PSMC4: variants seen among roughly 807,000 people sequenced by gnomAD.
The protein encoded by PSMC4 is 26S proteasome regulatory subunit 6B.
PSMC4 carries 13 observed loss-of-function variants against 48.4 expected under a neutral mutation model. That is an observed-to-expected ratio of 0.27 (90% CI 0.18 to 0.43). The LOEUF (loss-of-function observed/expected upper bound fraction) is 0.43, where lower values mean the gene tolerates loss of function less well. PSMC4 is among the 20% of genes least tolerant of loss of function. The probability of loss-of-function intolerance (pLI) is 1.00; values close to 1 mark genes in which losing one functional copy is unlikely to be tolerated. For missense variants in PSMC4, 262 were observed against 555.9 expected, an observed-to-expected ratio of 0.47 and a Z score of 5.32; for synonymous variants, 202 against 212.3, an observed-to-expected ratio of 0.95 and a Z score of 0.42.
intron 6 of PSMC4, among the ~76,000 whole-genome samples, chr19:39,979,130 G>A (rs1195147102): frequency 3.3e-5 from 5 of 152,216 alleles, no homozygotes; most frequent in African/African-American, 1.2e-4. Context: ...CTCTTGGCGA[G>A]GCAGTATGAT....
At chr19:39,973,581 TAAAAAA>T (rs11320252) in intron 3 of PSMC4, among the ~76,000 whole-genome samples, 2 of 96,994 alleles carry the variant, frequency 2.1e-5, no homozygotes, top group South Asian at 7.2e-4. Context: ...ACACTCTGTC[TAAAAAA>T]AAAAAAAAAA....
At position 39,974,594 on chromosome 19, in the gene PSMC4, C is replaced by T. The variant is rs11542840; in HGVS notation, c.540C>T (p.Ala180=). The T allele has an allele frequency of 0.039, 62,471 of 1,613,980 alleles. 2,288 individuals carry two copies. Among genetic ancestry groups the T allele is most frequent in the East Asian group, 0.16 (7,082 of 44,854 alleles). Residue 180 remains alanine (A), a synonymous_variant, in exon 5 of 11, where the codon GCC becomes GCT. Transcript: ENST00000157812. This position sits in a 1 kb window ranked among gnomAD's most constrained non-coding sequence, Gnocchi z 5.5. ...MDIQKQEVRE[A]VELPLTHFEL... ...TCCAGAAGCAGGAGGTGCGGGAGGC[C>T]GTGGAGCTCCCGCTCACGCATTTCG...
chr19:39,977,087 A>G (rs1431364986), intron 6 of PSMC4, among the ~76,000 whole-genome samples: 1 of 151,046 alleles, frequency 6.6e-6, no homozygotes, highest in East Asian at 2.0e-4. Flanking sequence ...TCCTGGCCTC[A>G]GGTGATCCAC....
rs749963884 is a variant in PSMC4 at position 39,974,845 on chromosome 19, C to T, written c.673+17C>T. On this transcript the variant is annotated intron_variant, in intron 6 of 10. Transcript: ENST00000157812. This position sits in a 1 kb window ranked among gnomAD's most constrained non-coding sequence, Gnocchi z 5.5. ...ACACAACAGGTGAGCCCTTTCGCCC[C>T]TGCCCCGAGCTCTCATCTTCTGGCC... The T allele has an allele frequency of 6.2e-7, 1 of 1,601,802 alleles. No homozygotes were observed. The highest frequency in any genetic ancestry group is 1.7e-5 in the Admixed American group (1 of 59,940).
At position 39,980,654 on chromosome 19, in the gene PSMC4, C is replaced by T. The variant is rs370164553; in HGVS notation, c.1088-8C>T. 17 of 1,613,780 alleles carry T rather than the reference C, an allele frequency of 1.1e-5. No homozygotes were observed. The highest frequency in any genetic ancestry group is 1.7e-4 in the Middle Eastern group (1 of 6,056). ...CACACAGGGAATAGTTTCCTTAACT[C>T]GCTGCAGATGTGGCCCGGCCAGATA... On this transcript the variant is annotated splice_polypyrimidine_tract_variant and splice_region_variant and intron_variant, in intron 9 of 10. Transcript: ENST00000157812. The surrounding 1 kb of genome is among the most constrained non-coding windows in gnomAD (Gnocchi z 4.8).
rs1396420469 is a variant in PSMC4, at chr19:39,979,714, T to C, written c.674-103T>C. The stretch of plus-strand genomic sequence containing the variant: ...ATGACACAACTACTAGGTATGGGTA[T>C]CCAAGGAAAAGGATGTCTTCAAGGA... On this transcript the variant is annotated intron_variant, in intron 6 of 10. Coordinates refer to ENST00000157812, the MANE Select transcript of PSMC4 (RefSeq NM_006503.4). 6.6e-6 allele frequency: 8 copies of C among 1,210,984 alleles called. No homozygotes were observed. In the African/African-American group the frequency reaches 1.1e-4, roughly 16 times the overall value. 75.0% of individuals were successfully genotyped at this position (1,210,984 alleles called of 1,614,324 possible).
At position 39,974,580 on chromosome 19, in the gene PSMC4, G is replaced by C; in HGVS notation, c.526G>C (p.Glu176Gln). 5 of 1,614,128 alleles carry C rather than the reference G, an allele frequency of 3.1e-6. No homozygotes were observed. Among genetic ancestry groups the C allele is most frequent in the Non-Finnish European group, 4.2e-6 (5 of 1,180,034 alleles). The change falls in exon 5 of 11, where the codon GAG becomes CAG. Residue 176 changes from glutamate (E) to glutamine (Q), a missense_variant. This residue lies in a region of PSMC4 where 131 missense variants were observed against 276.7 expected (regional missense o/e 0.47). Coordinates refer to ENST00000157812, the MANE Select transcript of PSMC4 (RefSeq NM_006503.4). The surrounding 1 kb of genome is among the most constrained non-coding windows in gnomAD (Gnocchi z 5.5). ...CGGAGGCATGGACATCCAGAAGCAG[G>C]AGGTGCGGGAGGCCGTGGAGCTCCC... The part of the protein sequence containing the change: ...DIGGMDIQKQ[E>Q]VREAVELPLT...
intron 6 of PSMC4, among the ~76,000 whole-genome samples, chr19:39,978,376 A>G (rs1034696129): frequency 3.9e-5 from 6 of 152,150 alleles, no homozygotes; most frequent in Non-Finnish European, 8.8e-5. Flanking sequence ...CTGGTTGGAC[A>G]TTTGCAGAAC....
intron 3 of PSMC4, among the ~76,000 whole-genome samples, chr19:39,972,918 GTAT>G (rs1971127783): frequency 6.6e-6 from 1 of 151,862 alleles, no homozygotes. Context: ...GCTAATTTTT[GTAT>G]TATTAGTAGA....
At position 39,974,902 on chromosome 19, in the gene PSMC4, A is replaced by G. The variant is rs1971173599; in HGVS notation, c.673+74A>G. ...CCTTGCTCCCTGCTCGCTCACTGGC[A>G]CTGCACAGTAATTAGAAACAGACTC... is the stretch of plus-strand genomic sequence containing the variant. On this transcript the variant is annotated intron_variant, in intron 6 of 10. Coordinates refer to ENST00000157812, the MANE Select transcript of PSMC4 (RefSeq NM_006503.4). The surrounding 1 kb of genome is among the most constrained non-coding windows in gnomAD (Gnocchi z 5.5). The G allele has an allele frequency of 7.3e-7, 1 of 1,375,194 alleles. No homozygotes were observed. The highest frequency in any genetic ancestry group is 1.8e-5 in the Admixed American group (1 of 55,026). 85.2% of individuals were successfully genotyped at this position (1,375,194 alleles called of 1,614,324 possible).
At position 39,980,821 on chromosome 19, in the gene PSMC4, G is replaced by T; in HGVS notation, c.1143+104G>T. 8.7e-7 allele frequency: 1 copy of T among 1,143,372 alleles called. No homozygotes were observed. The highest frequency in any genetic ancestry group is 1.3e-6 in the Non-Finnish European group (1 of 756,018). 70.8% of individuals were successfully genotyped at this position (1,143,372 alleles called of 1,614,324 possible). The stretch of plus-strand genomic sequence containing the variant: ...TGTCCCCTCATGGCTGCCCTGGGTC[G>T]TGGGCGCCATCTCTCTCTTCCTCTA... On this transcript the variant is annotated intron_variant, in intron 10 of 10. Coordinates refer to ENST00000157812, the MANE Select transcript of PSMC4 (RefSeq NM_006503.4). The surrounding 1 kb of genome is among the most constrained non-coding windows in gnomAD (Gnocchi z 4.8).
Position 39,980,024 on chromosome 19 carries a change from C to T in PSMC4, c.841+40C>T. Reference sequence around the variant, plus strand: ...AACAAGGCCCGGGGTCTTGGACAGGCTTGTCGCATGGGATGCCTGGGACTG... The same window carrying T: ...AACAAGGCCCGGGGTCTTGGACAGGTTTGTCGCATGGGATGCCTGGGACTG... On this transcript the variant is annotated intron_variant, in intron 7 of 10. Coordinates refer to ENST00000157812, the MANE Select transcript of PSMC4 (RefSeq NM_006503.4). The surrounding 1 kb of genome is among the most constrained non-coding windows in gnomAD (Gnocchi z 4.8). 6.2e-7 allele frequency: 1 copy of T among 1,613,980 alleles called. No individual in the cohort carries two copies. The highest frequency in any genetic ancestry group is 8.5e-7 in the Non-Finnish European group (1 of 1,179,944).
Position 39,980,487 on chromosome 19 carries a change from A to C in PSMC4, c.1087+33A>C, listed in dbSNP as rs370201221. Reference sequence around the variant, plus strand: ...GCTCCAGAAGTCAGGGAGGGGCCCTAGTTGGGAACGGGGATTAGATCTTCA... The same window carrying C: ...GCTCCAGAAGTCAGGGAGGGGCCCTCGTTGGGAACGGGGATTAGATCTTCA... On this transcript the variant is annotated intron_variant, in intron 9 of 10. Coordinates refer to ENST00000157812, the MANE Select transcript of PSMC4 (RefSeq NM_006503.4). The surrounding 1 kb of genome is among the most constrained non-coding windows in gnomAD (Gnocchi z 4.8). 29 of 1,611,478 alleles carry C rather than the reference A, an allele frequency of 1.8e-5. No individual in the cohort carries two copies. The African/African-American group carries it at 2.8e-4, about 16-fold the overall frequency.
rs534562520 is a variant in PSMC4 at position 39,977,772 on chromosome 19, A to C, written c.674-2045A>C. On this transcript the variant is annotated intron_variant, in intron 6 of 10. Transcript: ENST00000157812. ...AGGAGGCCAAGGTTGCAGTGAGCGAAGATCGCACCATTGCACTCCAGCCCG... is the reference window on the plus strand; with the variant it reads ...AGGAGGCCAAGGTTGCAGTGAGCGACGATCGCACCATTGCACTCCAGCCCG... 6.6e-3 allele frequency among the ~76,000 whole-genome samples: 1,010 copies of C among 152,118 alleles called. 4 individuals carry two copies. Among genetic ancestry groups the C allele is most frequent in the Non-Finnish European group, 0.012 (789 of 67,956 alleles).
intron 6 of PSMC4, among the ~76,000 whole-genome samples, chr19:39,979,217 T>C (rs2144618470): frequency 6.6e-6 from 1 of 152,326 alleles, no homozygotes; most frequent in South Asian, 2.1e-4. Flanking sequence ...GGTTTTTTTC[T>C]TTCTTATTTT....
At position 39,979,828 on chromosome 19, in the gene PSMC4, C is replaced by A. The variant is rs769357146; in HGVS notation, c.685C>A (p.Arg229=). Residue 229 remains arginine (R), a synonymous_variant, in exon 7 of 11, where the codon CGG becomes AGG. Coordinates refer to ENST00000157812, the MANE Select transcript of PSMC4 (RefSeq NM_006503.4). ...CATCCTGTCATCAGCTGCATTCATC[C>A]GGGTCGTGGGCTCGGAGTTTGTACA... ...VAHHTTAAFI[R]VVGSEFVQKY... is the part of the protein sequence containing the mutation. 34 of 1,602,546 alleles carry A rather than the reference C, an allele frequency of 2.1e-5. No homozygotes were observed. Among genetic ancestry groups the A allele is most frequent in the Non-Finnish European group, 2.8e-5 (33 of 1,170,284 alleles).
At chr19:39,978,745 G>A (rs983735577) in intron 6 of PSMC4, among the ~76,000 whole-genome samples, 2 of 152,088 alleles carry the variant, frequency 1.3e-5, no homozygotes, top group Non-Finnish European at 2.9e-5. Context: ...TCAAGCATGG[G>A]GTGGCTCATG....
chr19:39,980,391 A>G lies in PSMC4; in HGVS notation c.1024A>G (p.Arg342Gly). 1 of 1,614,046 alleles carries G rather than the reference A, an allele frequency of 6.2e-7. No homozygotes were observed. Among genetic ancestry groups the G allele is most frequent in the Non-Finnish European group, 8.5e-7 (1 of 1,180,010 alleles). The change falls in exon 9 of 11, where the codon AGA becomes GGA. Residue 342 changes from arginine to glycine, a missense_variant. Arg to Gly is a moderately radical substitution (Grantham distance 125, BLOSUM62 -2). This residue lies in a region of PSMC4 where 84 missense variants were observed against 157.8 expected (regional missense o/e 0.53). Coordinates refer to ENST00000157812, the MANE Select transcript of PSMC4 (RefSeq NM_006503.4). The surrounding 1 kb of genome is among the most constrained non-coding windows in gnomAD (Gnocchi z 4.8). ...TCCACTTCCTGACCGCCGCCAGAAG[A>G]GATTGATTTTCTCCACTATCACTAG... ...EFPLPDRRQK[R>G]LIFSTITSKM...
In PSMC4 at chr19:39,980,139, A is replaced by G; in HGVS notation, c.911A>G (p.Asn304Ser). 6.2e-7 allele frequency: 1 copy of G among 1,614,094 alleles called. No homozygotes were observed. Among genetic ancestry groups the G allele is most frequent in the Non-Finnish European group, 8.5e-7 (1 of 1,180,014 alleles). Residue 304 changes from asparagine to serine, a missense_variant, in exon 8 of 11, where the codon AAT becomes AGT. Physicochemically the swap from Asn to Ser is conservative, Grantham distance 46. Transcript: ENST00000157812. This position sits in a 1 kb window ranked among gnomAD's most constrained non-coding sequence, Gnocchi z 4.8. ...NQMDGFDQNV[N>S]VKVIMATNRA... ...ATGGATGGATTTGATCAGAATGTCA[A>G]TGTCAAGGTTTGGGGTTTGGGATGG...
Sources: gnomAD v4.1 joint callset for allele counts (sites outside exome capture counted in the v4.1 genomes callset) on GRCh38, gnomAD v4.1.1 for gene constraint, gnomAD v4.1.1 regional missense constraint, Gnocchi (gnomAD v3.1) non-coding constraint, MANE v1.5 for transcripts, NCBI Gene and HGNC (gene_info 2026-07-23, HGNC 2026-07-21) for gene names.